Variants in HS6ST2 observed in about 807,000 individuals in gnomAD.
HS6ST2 encodes heparan-sulfate 6-O-sulfotransferase 2.
HS6ST2 carries 17 observed loss-of-function variants against 33.0 expected under a neutral mutation model. The ratio of observed to expected loss-of-function variants is 0.52; its 90% confidence interval spans 0.35 to 0.77. The LOEUF (loss-of-function observed/expected upper bound fraction) is 0.77, where lower values mean the gene tolerates loss of function less well. Among genes scored for constraint, HS6ST2 ranks in the 30% least tolerant of loss-of-function variants. The probability of loss-of-function intolerance (pLI) is 0.01; values close to 1 mark genes in which losing one functional copy is unlikely to be tolerated. For synonymous variants in HS6ST2, 248 were observed against 237.1 expected, an observed-to-expected ratio of 1.05 and a Z score of -0.42; for missense variants, 519 against 551.7, an observed-to-expected ratio of 0.94 and a Z score of 0.59.
chrX:132,654,404 A>G (rs1430849882), intron 4 of HS6ST2, among the ~76,000 whole-genome samples: 8 of 111,450 alleles, frequency 7.2e-5, no homozygotes, highest in Non-Finnish European at 1.5e-4. Context: ...AGGTTCAAAT[A>G]GAAGTGCCTG....
At chrX:132,873,360 A>G (rs2148432537) in intron 2 of HS6ST2, among the ~76,000 whole-genome samples, 1 of 111,997 alleles carries the variant, frequency 8.9e-6, no homozygotes, top group South Asian at 3.8e-4. Context: ...GCTTTGGGTC[A>G]TCACTCATGC....
intron 2 of HS6ST2, among the ~76,000 whole-genome samples, chrX:132,752,504 A>G (rs913804806): frequency 5.5e-5 from 6 of 108,801 alleles, no homozygotes; most frequent in Non-Finnish European, 1.1e-4. Context: ...CTGACACCAG[A>G]TTTAGATTTA....
intron 2 of HS6ST2, among the ~76,000 whole-genome samples, chrX:132,822,652 C>T (rs2065471481): frequency 8.9e-6 from 1 of 112,190 alleles, no homozygotes; most frequent in Non-Finnish European, 1.9e-5. Flanking sequence ...GAGACATTTA[C>T]CTATGAATCA....
intron 2 of HS6ST2, among the ~76,000 whole-genome samples, chrX:132,775,338 G>A (rs2064946557): frequency 9.0e-6 from 1 of 111,009 alleles, no homozygotes; most frequent in Non-Finnish European, 1.9e-5. Flanking sequence ...GCCACACACA[G>A]CTACTCAATT....
At chrX:132,790,446 T>C (rs1209976340) in intron 2 of HS6ST2, among the ~76,000 whole-genome samples, 1 of 112,277 alleles carries the variant, frequency 8.9e-6, no homozygotes, top group African/African-American at 3.2e-5. Flanking sequence ...AAAAAATTCA[T>C]GTGACTCACT....
At chrX:132,633,015 G>A (rs1228912102) in intron 4 of HS6ST2, among the ~76,000 whole-genome samples, 2 of 105,638 alleles carry the variant, frequency 1.9e-5, no homozygotes, top group Non-Finnish European at 3.9e-5. Flanking sequence ...GGTAGAAGCT[G>A]CAGTGCACCA....
rs957920243 is a variant in HS6ST2 at position 132,831,276 on chromosome X, T to C, written c.948-122782A>G. 3.6e-5 allele frequency among the ~76,000 whole-genome samples: 4 copies of C among 111,296 alleles called. No individual in the cohort carries two copies. In the East Asian group the frequency reaches 1.1e-3, roughly 31 times the overall value. On this transcript the variant is annotated intron_variant, in intron 2 of 4. Transcript: ENST00000370833. The stretch of plus-strand genomic sequence containing the variant: ...TCTGAAATACTGTGATGTTATTATA[T>C]AGGCAGAAGAATTCCACTAACCAAC...
Position 132,956,039 on chromosome X carries a change from A to G in HS6ST2, c.947+769T>C, listed in dbSNP as rs1234325610. The stretch of plus-strand genomic sequence containing the variant: ...CCGCGGGGTGCCCCCCGCCACTCCC[A>G]AAGAGCCACGGATGCCTCTCATGCA... On this transcript the variant is annotated intron_variant, in intron 2 of 4. Coordinates refer to ENST00000370833, the MANE Select transcript of HS6ST2 (RefSeq NM_001394073.1). Among the ~76,000 whole-genome samples, 4 of 111,942 alleles carry G rather than the reference A, an allele frequency of 3.6e-5. No individual in the cohort carries two copies. In the Admixed American group the frequency reaches 3.7e-4, roughly 10 times the overall value.
chrX:132,713,567 G>A (rs1035479488), intron 2 of HS6ST2, among the ~76,000 whole-genome samples: 3 of 111,699 alleles, frequency 2.7e-5, no homozygotes, highest in East Asian at 2.8e-4. Context: ...CTGTTTGACC[G>A]CTCTTAATTC....
intron 1 of HS6ST2, 29 bp from the exon 2 acceptor site, chrX:132,957,355 A>G: frequency 2.6e-6 from 3 of 1,139,681 alleles, no homozygotes; most frequent in African/African-American, 3.6e-5. Flanking sequence ...CGTTACGTCA[A>G]TCCCGCAGCT....
chrX:132,765,986 T>C (rs2148315229), intron 2 of HS6ST2, among the ~76,000 whole-genome samples: 1 of 111,947 alleles, frequency 8.9e-6, no homozygotes, highest in East Asian at 2.8e-4. Flanking sequence ...AGCAGTTTTC[T>C]AAAGGTGTGG....
At chrX:132,884,185 C>T (rs1454077185) in intron 2 of HS6ST2, among the ~76,000 whole-genome samples, 1 of 111,223 alleles carries the variant, frequency 9.0e-6, no homozygotes, top group Admixed American at 9.6e-5. Context: ...AAAAGTCTGA[C>T]ACTGTGGAAA....
At chrX:132,933,830 G>T (rs183144541) in intron 2 of HS6ST2, among the ~76,000 whole-genome samples, 8 of 111,718 alleles carry the variant, frequency 7.2e-5, no homozygotes, top group Non-Finnish European at 1.3e-4. Context: ...CTTAGGAAAA[G>T]AAACCAATAA....
chrX:132,739,591 T>C (rs949850982), intron 2 of HS6ST2, among the ~76,000 whole-genome samples: 2 of 109,161 alleles, frequency 1.8e-5, no homozygotes, highest in Non-Finnish European at 3.8e-5. Context: ...GCTGGGTGCC[T>C]GTAATCTCAG....
chrX:132,692,516 T>A (rs1025702682), intron 3 of HS6ST2, among the ~76,000 whole-genome samples: 1 of 110,915 alleles, frequency 9.0e-6, no homozygotes, highest in Non-Finnish European at 1.9e-5. Context: ...TGTCTCAGCA[T>A]GGCTTTCAAT....
At chrX:132,659,813 C>T (rs1156450388) in intron 4 of HS6ST2, among the ~76,000 whole-genome samples, 1 of 111,681 alleles carries the variant, frequency 9.0e-6, no homozygotes. Flanking sequence ...ACTTTATAGG[C>T]CTATTATAAT....
At chrX:132,857,352 C>A (rs371397011) in intron 2 of HS6ST2, among the ~76,000 whole-genome samples, 1 of 109,807 alleles carries the variant, frequency 9.1e-6, no homozygotes, top group Non-Finnish European at 1.9e-5. Flanking sequence ...GGTGTGGTGG[C>A]GGGCGCCTGT....
At chrX:132,629,556 T>C (rs962051939) in intron 4 of HS6ST2, among the ~76,000 whole-genome samples, 17 of 112,344 alleles carry the variant, frequency 1.5e-4, no homozygotes, top group Non-Finnish European at 2.8e-4. Flanking sequence ...AGTTGACAAG[T>C]GGGTTCAAAT....
intron 2 of HS6ST2, among the ~76,000 whole-genome samples, chrX:132,883,957 A>G (rs776875713): frequency 8.9e-6 from 1 of 111,995 alleles, no homozygotes; most frequent in Non-Finnish European, 1.9e-5. Context: ...TCTTGATGTT[A>G]AATGTTAATT....
Sources: allele counts gnomAD v4.1 joint callset (sites outside exome capture counted in the v4.1 genomes callset), GRCh38; gene constraint gnomAD v4.1.1; transcripts MANE v1.5; gene names NCBI Gene and HGNC (gene_info 2026-07-23, HGNC 2026-07-21).